RNFT2: variants seen among roughly 807,000 people sequenced by gnomAD.
RNFT2 encodes ring finger protein, transmembrane 2, also known as E3 ubiquitin-protein ligase RNFT2.
RNFT2 carries 36 observed loss-of-function variants against 53.0 expected under a neutral mutation model. The ratio of observed to expected loss-of-function variants is 0.68; its 90% CI spans 0.52 to 0.90. The LOEUF is 0.90. Ranked by LOEUF, RNFT2 falls within the 40% of genes least tolerant of loss-of-function variation. RNFT2 has a pLI of 0.00. For synonymous variants in RNFT2, 260 were observed against 253.2 expected (o/e 1.03, Z -0.26); for missense variants, 514 against 585.6 (o/e 0.88, Z 1.26).
rs1215490470 is a variant in RNFT2, at chr12:116,779,327, C to A, written c.861C>A (p.Ile287=). 6 of 1,614,030 alleles carry A rather than the reference C, an allele frequency of 3.7e-6. No homozygotes were observed. Among genetic ancestry groups the A allele is most frequent in the Non-Finnish European group, 4.2e-6 (5 of 1,179,888 alleles). The change falls in exon 7 of 11, where the codon ATC becomes ATA. Residue 287 remains isoleucine (I), a synonymous_variant. Coordinates refer to ENST00000257575, the MANE Select transcript of RNFT2 (RefSeq NM_001382266.1). ...LKCLIVALPK[I]ILAVKSKGKF... Reference sequence around the variant, plus strand: ...GCCTCATCGTGGCCCTGCCCAAGATCATCCTGGCTGTCAAGTCCAAGGTAG... The same window carrying A: ...GCCTCATCGTGGCCCTGCCCAAGATAATCCTGGCTGTCAAGTCCAAGGTAG...
chr12:116,800,710 G>C (rs1400347103), intron 7 of RNFT2, among the ~76,000 whole-genome samples: 1 of 151,464 alleles, frequency 6.6e-6, no homozygotes, highest in African/African-American at 2.4e-5. Context: ...GCTACTCAGG[G>C]GGCTGAGGCA....
At chr12:116,750,553 G>T (rs891666022) in intron 4 of RNFT2, among the ~76,000 whole-genome samples, 1 of 151,804 alleles carries the variant, frequency 6.6e-6, no homozygotes, top group Non-Finnish European at 1.5e-5. Flanking sequence ...GGTTAGGATA[G>T]AAACTTCCTC....
At chr12:116,769,403 A>G (rs10850715) in intron 6 of RNFT2, among the ~76,000 whole-genome samples, 144,886 of 152,278 alleles carry the variant, frequency 0.95, 68,971 homozygotes, top group African/African-American at 0.97. Flanking sequence ...AGACATTGCT[A>G]TCGTAGGAGA....
intron 7 of RNFT2, among the ~76,000 whole-genome samples, chr12:116,781,347 G>A (rs1162843380): frequency 6.6e-6 from 1 of 152,272 alleles, no homozygotes; most frequent in East Asian, 1.9e-4. Context: ...TCAGCTGATG[G>A]GAAGCCCAAG....
At chr12:116,815,910 T>C (rs962107588) in intron 7 of RNFT2, among the ~76,000 whole-genome samples, 2 of 152,190 alleles carry the variant, frequency 1.3e-5, no homozygotes, top group Non-Finnish European at 2.9e-5. Flanking sequence ...TTTGAAGTCA[T>C]GGGCTCCAGA....
chr12:116,849,464 A>G lies in RNFT2; in HGVS notation c.*16A>G. ...GGTGTACTAGGACCGAACACTGAGG[A>G]CACCCAGAAGGACGCCAAGGGTCAG... On this transcript the variant is annotated 3_prime_UTR_variant, in exon 11 of 11. Transcript: ENST00000257575. 6.4e-7 allele frequency: 1 copy of G among 1,574,686 alleles called. No individual in the cohort carries two copies. The highest frequency in any genetic ancestry group is 8.6e-7 in the Non-Finnish European group (1 of 1,158,700).
rs192326196 is a variant in RNFT2 at position 116,756,015 on chromosome 12, T to C, written c.627+1955T>C. 258 of 621,946 alleles carry C rather than the reference T, an allele frequency of 4.1e-4. 2 individuals carry two copies. The highest frequency in any genetic ancestry group is 1.5e-3 in the South Asian group (77 of 50,778). 38.5% of individuals were successfully genotyped at this position (621,946 alleles called of 1,614,324 possible). A position where few individuals can be genotyped will look rare whatever the true frequency, so the allele number is the denominator to read the frequency against. On this transcript the variant is annotated intron_variant, in intron 5 of 10. Coordinates refer to ENST00000257575, the MANE Select transcript of RNFT2 (RefSeq NM_001382266.1). ...AGGTAGTGTGATGCCTCCAGCTTTTTCTTTTTGCTTAGTCTTGCTTCAGTT... is the reference window on the plus strand; with the variant it reads ...AGGTAGTGTGATGCCTCCAGCTTTTCCTTTTTGCTTAGTCTTGCTTCAGTT...
chr12:116,789,542 G>T (rs1874119285), intron 7 of RNFT2, among the ~76,000 whole-genome samples: 1 of 148,392 alleles, frequency 6.7e-6, no homozygotes, highest in African/African-American at 2.5e-5. Context: ...ATGGGTAAAT[G>T]GGAGGAGAGT....
intron 7 of RNFT2, among the ~76,000 whole-genome samples, chr12:116,790,207 A>T (rs937691014): frequency 6.6e-6 from 1 of 152,226 alleles, no homozygotes; most frequent in African/African-American, 2.4e-5. Context: ...AGCCACACTT[A>T]TAATAATAAA....
intron 7 of RNFT2, among the ~76,000 whole-genome samples, chr12:116,798,360 A>G (rs4767456): frequency 2.6e-5 from 4 of 152,098 alleles, no homozygotes. Context: ...TATCTTAGAG[A>G]TTGTTCGGAT....
intron 7 of RNFT2, among the ~76,000 whole-genome samples, chr12:116,792,101 G>C (rs1874262287): frequency 6.6e-6 from 1 of 152,096 alleles, no homozygotes; most frequent in Non-Finnish European, 1.5e-5. Flanking sequence ...TCAAGCTGGA[G>C]TTCAGTGGCA....
At chr12:116,784,673 T>C (rs1592956564) in intron 7 of RNFT2, among the ~76,000 whole-genome samples, 1 of 152,296 alleles carries the variant, frequency 6.6e-6, no homozygotes, top group East Asian at 1.9e-4. Context: ...ATCAATAACC[T>C]GGAAAGGACC....
At chr12:116,793,209 G>GC (rs1874336466) in intron 7 of RNFT2, among the ~76,000 whole-genome samples, 1 of 91,800 alleles carries the variant, frequency 1.1e-5, no homozygotes, top group African/African-American at 3.6e-5. Flanking sequence ...TATCCAGATA[G>GC]CTTTTTTTTT....
chr12:116,813,430 C>T lies in RNFT2; in HGVS notation c.883-20362C>T, dbSNP rs971423670. Among the ~76,000 whole-genome samples, 6 of 152,228 alleles carry T rather than the reference C, an allele frequency of 3.9e-5. No homozygotes were observed. In the East Asian group the frequency reaches 9.6e-4, roughly 24 times the overall value. ...CCCTGTGCTAGGAACACTGTCTCCC[C>T]AGCCCCATCTGGCTGACCCCTCATC... On this transcript the variant is annotated intron_variant, in intron 7 of 10. Coordinates refer to ENST00000257575, the MANE Select transcript of RNFT2 (RefSeq NM_001382266.1).
chr12:116,774,122 G>A (rs956162450), intron 6 of RNFT2, among the ~76,000 whole-genome samples: 11 of 152,190 alleles, frequency 7.2e-5, no homozygotes, highest in South Asian at 2.1e-4. Context: ...AAAGAATGGC[G>A]GTTGCCAGGG....
intron 7 of RNFT2, among the ~76,000 whole-genome samples, chr12:116,796,000 C>G (rs1874488237): frequency 6.6e-6 from 1 of 152,048 alleles, no homozygotes; most frequent in South Asian, 2.1e-4. Flanking sequence ...CCTCTGCCTC[C>G]CGGGTTCAAG....
chr12:116,752,951 T>A (rs1872318320), intron 4 of RNFT2, among the ~76,000 whole-genome samples: 1 of 151,802 alleles, frequency 6.6e-6, no homozygotes, highest in South Asian at 2.1e-4. Context: ...GACTCGAAAA[T>A]CATTATTTGG....
intron 4 of RNFT2, among the ~76,000 whole-genome samples, chr12:116,752,272 G>C (rs1872287244): frequency 6.6e-6 from 1 of 152,092 alleles, no homozygotes; most frequent in Non-Finnish European, 1.5e-5. Context: ...GTGACTGCCA[G>C]CTCGCTCAGA....
intron 5 of RNFT2, among the ~76,000 whole-genome samples, chr12:116,764,046 C>T (rs563467511): frequency 2.6e-5 from 4 of 152,232 alleles, no homozygotes; most frequent in East Asian, 3.9e-4. Context: ...TAATGGAATT[C>T]GCAGCAACCT....
Sources: gnomAD v4.1 joint callset for allele counts (sites outside exome capture counted in the v4.1 genomes callset) on GRCh38, gnomAD v4.1.1 for gene constraint, MANE v1.5 for transcripts, NCBI Gene and HGNC (gene_info 2026-07-23, HGNC 2026-07-21) for gene names.